Variants in NLK observed in about 807,000 individuals in gnomAD.
NLK encodes serine/threonine-protein kinase NLK.
Under a neutral mutation model 59.0 loss-of-function variants are expected in NLK, and 11 were observed. That is an observed-to-expected ratio of 0.19 (90% confidence interval 0.12 to 0.31). NLK has a LOEUF of 0.31. NLK is among the 10% of genes least tolerant of loss of function. NLK has a pLI of 1.00. For missense variants in NLK, 410 were observed against 661.1 expected (o/e 0.62, Z 4.16); for synonymous variants, 235 against 235.9 (o/e 1.00, Z 0.03).
At chr17:28,056,689 C>T (rs1909455645) in intron 1 of NLK, among the ~76,000 whole-genome samples, 1 of 152,076 alleles carries the variant, frequency 6.6e-6, no homozygotes, top group African/African-American at 2.4e-5. Flanking sequence ...TTATATGTAA[C>T]TAAGTTGTAT....
At chr17:28,183,553 T>C (rs1908997534) in intron 7 of NLK, among the ~76,000 whole-genome samples, 1 of 152,140 alleles carries the variant, frequency 6.6e-6, no homozygotes, top group Non-Finnish European at 1.5e-5. Context: ...GGTCTCAAAC[T>C]CACAGGCTCA....
At chr17:28,099,977 G>A (rs940921280) in intron 1 of NLK, among the ~76,000 whole-genome samples, 7 of 152,162 alleles carry the variant, frequency 4.6e-5, no homozygotes, top group African/African-American at 1.4e-4. Context: ...TGCTATGGAT[G>A]TACCAACATT....
chr17:28,081,250 G>T (rs920472734), intron 1 of NLK, among the ~76,000 whole-genome samples: 1 of 151,940 alleles, frequency 6.6e-6, no homozygotes, highest in Admixed American at 6.6e-5. Flanking sequence ...TTAGGCTGGA[G>T]TGCAGCGGCG....
chr17:28,107,900 G>A (rs2142798640), intron 1 of NLK, among the ~76,000 whole-genome samples: 1 of 152,168 alleles, frequency 6.6e-6, no homozygotes, highest in South Asian at 2.1e-4. Context: ...GAAAATCATG[G>A]TGTGCCCCAA....
chr17:28,109,166 G>C (rs1233469962), intron 1 of NLK, among the ~76,000 whole-genome samples: 1 of 150,262 alleles, frequency 6.7e-6, no homozygotes, highest in Non-Finnish European at 1.5e-5. Flanking sequence ...GCGAGACTTC[G>C]TCTCACAAAA....
At chr17:28,056,394 T>C (rs918641368) in intron 1 of NLK, among the ~76,000 whole-genome samples, 3 of 152,200 alleles carry the variant, frequency 2.0e-5, no homozygotes, top group Admixed American at 6.5e-5. Context: ...GCACAGCTGG[T>C]TGGGGGCTGA....
At chr17:28,073,021 G>A (rs1297755877) in intron 1 of NLK, among the ~76,000 whole-genome samples, 1 of 151,022 alleles carries the variant, frequency 6.6e-6, no homozygotes, top group Admixed American at 6.6e-5. Context: ...CAGGGTATTA[G>A]ATTTTTTTTT....
chr17:28,164,437 T>A (rs1908138479), intron 5 of NLK, among the ~76,000 whole-genome samples: 1 of 152,122 alleles, frequency 6.6e-6, no homozygotes, highest in South Asian at 2.1e-4. Context: ...TCCAATGTAT[T>A]TCCATAATGT....
At chr17:28,176,848 A>T (rs993956550) in intron 7 of NLK, among the ~76,000 whole-genome samples, 2 of 152,220 alleles carry the variant, frequency 1.3e-5, no homozygotes, top group Admixed American at 1.3e-4. Flanking sequence ...GTATAAATAG[A>T]ATATGAGACT....
chr17:28,118,334 T>C (rs1159824510), intron 1 of NLK, among the ~76,000 whole-genome samples: 1 of 152,208 alleles, frequency 6.6e-6, no homozygotes, highest in African/African-American at 2.4e-5. Context: ...GAACCTGATT[T>C]TCTTAAACCA....
chr17:28,075,201 C>T (rs1018637891), intron 1 of NLK, among the ~76,000 whole-genome samples: 5 of 152,194 alleles, frequency 3.3e-5, no homozygotes, highest in African/African-American at 9.6e-5. Context: ...GAAACAGACT[C>T]AGCATTCAGG....
chr17:28,089,912 G>C (rs1567710971), intron 1 of NLK, among the ~76,000 whole-genome samples: 1 of 151,966 alleles, frequency 6.6e-6, no homozygotes, highest in East Asian at 1.9e-4. Context: ...ATTGAGCTTT[G>C]AGGGTTTTCT....
At chr17:28,199,884 G>C (rs1909586001), downstream of NLK, among the ~76,000 whole-genome samples, 1 of 152,124 alleles carries the variant, frequency 6.6e-6, no homozygotes, top group Admixed American at 6.6e-5. Context: ...TTTCAGCTCT[G>C]CTCTGAGACA....
chr17:28,102,695 C>A (rs1387204578), intron 1 of NLK, among the ~76,000 whole-genome samples: 2 of 151,054 alleles, frequency 1.3e-5, no homozygotes, highest in African/African-American at 4.9e-5. Flanking sequence ...AGAAATATTT[C>A]ATGGATTTGG....
intron 5 of NLK, among the ~76,000 whole-genome samples, chr17:28,166,702 T>C (rs1908253912): frequency 6.6e-6 from 1 of 152,256 alleles, no homozygotes; most frequent in African/African-American, 2.4e-5. Flanking sequence ...TTCCTAAAGA[T>C]AAGTAGTAGT....
intron 1 of NLK, among the ~76,000 whole-genome samples, chr17:28,112,591 G>T (rs1435910971): frequency 6.6e-6 from 1 of 152,164 alleles, no homozygotes; most frequent in East Asian, 1.9e-4. Context: ...GTTGTTTTGA[G>T]GGGAAAGGAT....
chr17:28,080,252 G>A lies in NLK; in HGVS notation c.458+36921G>A, dbSNP rs530429831. Among the ~76,000 whole-genome samples the A allele has an allele frequency of 2.6e-5, 4 of 152,162 alleles. No homozygotes were observed. In the East Asian group the frequency reaches 7.7e-4, roughly 29 times the overall value. ...AGATTGCTTGAGCCCAGGAGTTTGCGACCAGCCTTGGCAACATAGTGAGAC... is the reference window on the plus strand; with the variant it reads ...AGATTGCTTGAGCCCAGGAGTTTGCAACCAGCCTTGGCAACATAGTGAGAC... On this transcript the variant is annotated intron_variant, in intron 1 of 10. Coordinates refer to ENST00000407008, the MANE Select transcript of NLK (RefSeq NM_016231.5).
chr17:28,155,934 T>C (rs1230321610), intron 3 of NLK, among the ~76,000 whole-genome samples: 1 of 152,152 alleles, frequency 6.6e-6, no homozygotes, highest in Non-Finnish European at 1.5e-5. Flanking sequence ...AAAAGAACAA[T>C]GTATATAATA....
At chr17:28,084,406 A>C (rs544182782) in intron 1 of NLK, among the ~76,000 whole-genome samples, 2 of 152,210 alleles carry the variant, frequency 1.3e-5, no homozygotes, top group Non-Finnish European at 2.9e-5. Context: ...TGTCTAACTC[A>C]AAGTCTGAAA....
Sources: gnomAD v4.1 joint callset for allele counts (sites outside exome capture counted in the v4.1 genomes callset) on GRCh38, gnomAD v4.1.1 for gene constraint, MANE v1.5 for transcripts, NCBI Gene and HGNC (gene_info 2026-07-23, HGNC 2026-07-21) for gene names.